Variants in TCEA1 observed in about 807,000 individuals in gnomAD.
TCEA1 encodes the protein transcription elongation factor A1.
In TCEA1, 21 loss-of-function variants were observed where a neutral mutation model predicts 43.8. The ratio of observed to expected loss-of-function variants is 0.48; its 90% CI spans 0.34 to 0.69. TCEA1 has a LOEUF of 0.69. Ranked by LOEUF, TCEA1 falls within the 30% of genes least tolerant of loss-of-function variation. The probability of loss-of-function intolerance (pLI) is 0.01; values close to 1 mark genes in which losing one functional copy is unlikely to be tolerated. For synonymous variants in TCEA1, 104 were observed against 117.5 expected, an observed-to-expected ratio of 0.88 and a Z score of 0.75; for missense variants, 250 against 365.1, an observed-to-expected ratio of 0.68 and a Z score of 2.57.
intron 4 of TCEA1, among the ~76,000 whole-genome samples, chr8:53,990,763 G>A (rs373424705): frequency 2.8e-4 from 43 of 152,282 alleles, no homozygotes; most frequent in African/African-American, 9.9e-4. Flanking sequence ...TATGGGCTGA[G>A]GGAAACTTTT....
In TCEA1 at chr8:53,968,081, G is replaced by T. The variant is rs780021580; in HGVS notation, c.*23C>A. 8 of 1,526,980 alleles carry T rather than the reference G, an allele frequency of 5.2e-6. No homozygotes were observed. The highest frequency in any genetic ancestry group is 3.9e-5 in the Admixed American group (2 of 50,768). 94.6% of individuals were successfully genotyped at this position (1,526,980 alleles called of 1,614,324 possible). ...CAAAATCCGTTTTCTTAATGGTCCA[G>T]ATATTTTGCCAATTCTTCCAACTCA... is the stretch of plus-strand genomic sequence containing the variant. On this transcript the variant is annotated 3_prime_UTR_variant, in exon 10 of 10. Coordinates refer to ENST00000521604, the MANE Select transcript of TCEA1 (RefSeq NM_006756.4).
chr8:53,988,853 G>C (rs1188227706), intron 4 of TCEA1, among the ~76,000 whole-genome samples: 1 of 152,172 alleles, frequency 6.6e-6, no homozygotes, highest in Non-Finnish European at 1.5e-5. Context: ...GATCACTTGA[G>C]GCCAGTAGAG....
At chr8:54,005,143 T>C (rs1287045196) in intron 2 of TCEA1, among the ~76,000 whole-genome samples, 1 of 152,230 alleles carries the variant, frequency 6.6e-6, no homozygotes, top group Non-Finnish European at 1.5e-5. Context: ...TTTTCCCTTT[T>C]TCCTAGGGGA....
At chr8:54,005,394 T>C (rs1804407753) in intron 2 of TCEA1, among the ~76,000 whole-genome samples, 1 of 152,214 alleles carries the variant, frequency 6.6e-6, no homozygotes. Context: ...TTGACAGCAC[T>C]GCTAGGGAGG....
chr8:53,979,253 T>A (rs915808382), intron 7 of TCEA1, 82 bp from the exon 8 acceptor site: 2 of 1,354,096 alleles, frequency 1.5e-6, no homozygotes, highest in Non-Finnish European at 2.0e-6. Context: ...ATTAGCCTAA[T>A]AATAATAAAA....
intron 3 of TCEA1, among the ~76,000 whole-genome samples, chr8:53,995,294 C>CAAAAA (rs925755044): frequency 1.7e-5 from 1 of 57,938 alleles, no homozygotes; most frequent in Non-Finnish European, 3.8e-5. Flanking sequence ...GACTCTGTCT[C>CAAAAA]AAAAAAAAAA....
intron 9 of TCEA1, among the ~76,000 whole-genome samples, chr8:53,968,799 A>G (rs1803067301): frequency 6.6e-6 from 1 of 152,164 alleles, no homozygotes; most frequent in African/African-American, 2.4e-5. Context: ...CAACAACAAA[A>G]AAGATCCATC....
intron 2 of TCEA1, chr8:54,009,736 A>G (rs1288705980): frequency 2.0e-5 from 3 of 152,280 alleles, no homozygotes; most frequent in East Asian, 1.9e-4. Context: ...GATAGAAGGA[A>G]TAAGTTCTAA....
In TCEA1 at chr8:54,020,438, G is replaced by A. The variant is rs555983851; in HGVS notation, c.63+1625C>T. 2.0e-5 allele frequency among the ~76,000 whole-genome samples: 3 copies of A among 152,254 alleles called. 1 individual carries two copies. Among genetic ancestry groups the A allele is most frequent in the African/African-American group, 7.2e-5 (3 of 41,572 alleles). Reference sequence around the variant, plus strand: ...TAAAAGGCCAAAATTTGCAAATACAGATTAACAGGGTATGAAATGAAATAC... The same window carrying A: ...TAAAAGGCCAAAATTTGCAAATACAAATTAACAGGGTATGAAATGAAATAC... On this transcript the variant is annotated intron_variant, in intron 1 of 9. Coordinates refer to ENST00000521604, the MANE Select transcript of TCEA1 (RefSeq NM_006756.4).
chr8:53,981,247 G>A (rs1222296790), intron 7 of TCEA1, among the ~76,000 whole-genome samples: 3 of 152,362 alleles, frequency 2.0e-5, no homozygotes, highest in African/African-American at 7.2e-5. Flanking sequence ...GATCATTGAT[G>A]AAGGTAGCTA....
intron 6 of TCEA1, among the ~76,000 whole-genome samples, chr8:53,985,349 C>T (rs1220406216): frequency 1.3e-5 from 2 of 152,122 alleles, no homozygotes; most frequent in Non-Finnish European, 2.9e-5. Flanking sequence ...TGTTTAGTGC[C>T]AGCAGTATGC....
chr8:53,991,826 G>A (rs1803893516), intron 4 of TCEA1, among the ~76,000 whole-genome samples: 1 of 151,316 alleles, frequency 6.6e-6, no homozygotes, highest in African/African-American at 2.4e-5. Context: ...AACAACTGCT[G>A]TTTAAGCCTA....
At chr8:53,983,206 G>C (rs1803571553) in intron 7 of TCEA1, among the ~76,000 whole-genome samples, 2 of 152,188 alleles carry the variant, frequency 1.3e-5, no homozygotes, top group Admixed American at 6.5e-5. Flanking sequence ...TGTTTTCTTA[G>C]ATGTAATGCT....
At chr8:53,985,718 A>G (rs2129302851) in intron 6 of TCEA1, among the ~76,000 whole-genome samples, 1 of 151,936 alleles carries the variant, frequency 6.6e-6, no homozygotes, top group South Asian at 2.1e-4. Flanking sequence ...GCCCCTACTC[A>G]CACACAGTAC....
rs148537408 is a variant in TCEA1 at position 53,983,870 on chromosome 8, G to A, written c.678+493C>T. Among the ~76,000 whole-genome samples, 543 of 152,268 alleles carry A rather than the reference G, an allele frequency of 3.6e-3. 3 individuals are homozygous for A. The highest frequency in any genetic ancestry group is 0.01 in the Middle Eastern group (3 of 294). On this transcript the variant is annotated intron_variant, in intron 7 of 9. Transcript: ENST00000521604. Reference sequence around the variant, plus strand: ...TTCCAACACTTTGGGAGGCCAAGGCGGACAGATCATCTGGAGGTTGGGAGT... The same window carrying A: ...TTCCAACACTTTGGGAGGCCAAGGCAGACAGATCATCTGGAGGTTGGGAGT...
chr8:53,972,786 C>A, intron 8 of TCEA1: 1 of 718,222 alleles, frequency 1.4e-6, no homozygotes, highest in South Asian at 1.4e-5. Flanking sequence ...CTGTGATTCT[C>A]CTGAAACAGC....
chr8:53,977,837 T>C (rs909238527), intron 8 of TCEA1, among the ~76,000 whole-genome samples: 2 of 152,182 alleles, frequency 1.3e-5, no homozygotes, highest in East Asian at 1.9e-4. Flanking sequence ...AGGAACAAAT[T>C]ATCCAGAAGA....
chr8:53,968,943 G>A (rs1803071721), intron 9 of TCEA1, among the ~76,000 whole-genome samples: 1 of 152,062 alleles, frequency 6.6e-6, no homozygotes, highest in African/African-American at 2.4e-5. Context: ...AAACCATGAA[G>A]ACACTTTCAG....
chr8:54,003,400 A>G (rs1487629899), intron 2 of TCEA1, among the ~76,000 whole-genome samples: 3 of 152,200 alleles, frequency 2.0e-5, no homozygotes, highest in Non-Finnish European at 2.9e-5. Flanking sequence ...AAAGGACCCA[A>G]AACAGCCAAA....
Sources: gnomAD v4.1 joint callset for allele counts (sites outside exome capture counted in the v4.1 genomes callset) on GRCh38, gnomAD v4.1.1 for gene constraint, MANE v1.5 for transcripts, NCBI Gene and HGNC (gene_info 2026-07-23, HGNC 2026-07-21) for gene names.